The following CEP112 variants were observed in gnomAD, a reference collection of about 807,000 sequenced individuals.
The protein encoded by CEP112 is centrosomal protein 112.
Under a neutral mutation model 153.0 loss-of-function variants are expected in CEP112, and 127 were observed. The ratio of observed to expected loss-of-function variants is 0.83; its 90% confidence interval spans 0.72 to 0.96. The LOEUF is 0.96. Ranked by LOEUF, CEP112 falls within the 40% of genes least tolerant of loss-of-function variation. CEP112 has a pLI of 0.00. For missense variants in CEP112, 1,089 were observed against 1,101.2 expected, an observed-to-expected ratio of 0.99 and a Z score of 0.16; for synonymous variants, 358 against 374.4, an observed-to-expected ratio of 0.96 and a Z score of 0.51.
chr17:65,975,403 T>C (rs1182282540), intron 17 of CEP112, among the ~76,000 whole-genome samples: 1 of 152,208 alleles, frequency 6.6e-6, no homozygotes, highest in African/African-American at 2.4e-5. Flanking sequence ...GTATGGGATA[T>C]GTGTATGATA....
chr17:65,853,322 T>C (rs777259537), intron 20 of CEP112, among the ~76,000 whole-genome samples: 7 of 152,076 alleles, frequency 4.6e-5, no homozygotes, highest in Non-Finnish European at 1.0e-4. Context: ...GGATTTGTTC[T>C]CTCTGGGTGT....
chr17:65,910,132 T>G (rs1044239066), intron 19 of CEP112, among the ~76,000 whole-genome samples: 5 of 152,144 alleles, frequency 3.3e-5, no homozygotes, highest in Non-Finnish European at 7.4e-5. Context: ...ATTAATAAAT[T>G]GTTAAAAGAC....
At chr17:65,989,133 G>C (rs2063502455) in intron 17 of CEP112, among the ~76,000 whole-genome samples, 1 of 151,412 alleles carries the variant, frequency 6.6e-6, no homozygotes, top group Admixed American at 6.6e-5. Context: ...TACTTGGGAG[G>C]CTGAGGCAGA....
At chr17:65,869,169 G>A (rs1447021212) in intron 20 of CEP112, among the ~76,000 whole-genome samples, 2 of 152,204 alleles carry the variant, frequency 1.3e-5, no homozygotes, top group Non-Finnish European at 2.9e-5. Context: ...GCTTTATCAA[G>A]TGGAAAATAT....
chr17:65,877,232 G>A (rs1177707635), intron 20 of CEP112, among the ~76,000 whole-genome samples: 1 of 152,236 alleles, frequency 6.6e-6, no homozygotes, highest in Non-Finnish European at 1.5e-5. Context: ...CCAAGTGCAG[G>A]TGTGACCAGG....
At chr17:65,680,445 G>C (rs1006636368) in intron 24 of CEP112, among the ~76,000 whole-genome samples, 1 of 152,096 alleles carries the variant, frequency 6.6e-6, no homozygotes, top group Non-Finnish European at 1.5e-5. Flanking sequence ...CTGTGATGCT[G>C]CTAATTCTTC....
chr17:66,114,893 GCTTT>G (rs1211025844), intron 6 of CEP112, among the ~76,000 whole-genome samples: 1 of 151,708 alleles, frequency 6.6e-6, no homozygotes, highest in Non-Finnish European at 1.5e-5. Context: ...CTCAAGAATG[GCTTT>G]TTTTAATTAA....
At chr17:65,804,066 A>G (rs1470341635) in intron 21 of CEP112, among the ~76,000 whole-genome samples, 1 of 152,192 alleles carries the variant, frequency 6.6e-6, no homozygotes, top group Non-Finnish European at 1.5e-5. Flanking sequence ...AAACAACATT[A>G]AATGAAACCT....
chr17:65,795,976 TAG>T, intron 21 of CEP112, among the ~76,000 whole-genome samples: 1 of 152,286 alleles, frequency 6.6e-6, no homozygotes, highest in East Asian at 1.9e-4. Context: ...CCATTTCAGG[TAG>T]AGTTTGCCCT....
intron 24 of CEP112, among the ~76,000 whole-genome samples, chr17:65,662,928 C>A (rs1299692099): frequency 1.3e-5 from 2 of 152,168 alleles, no homozygotes; most frequent in Non-Finnish European, 2.9e-5. Flanking sequence ...AGGCTCCTAT[C>A]TGAAGGATCT....
chr17:65,786,633 C>T (rs1230738728), intron 21 of CEP112, among the ~76,000 whole-genome samples: 1 of 141,028 alleles, frequency 7.1e-6, no homozygotes, highest in African/African-American at 2.7e-5. Flanking sequence ...GTCACCTGGG[C>T]TGGAATGCTG....
chr17:65,965,841 T>G (rs1278200897), intron 17 of CEP112, among the ~76,000 whole-genome samples: 2 of 152,184 alleles, frequency 1.3e-5, no homozygotes, highest in Non-Finnish European at 2.9e-5. Context: ...ATAAATTAAA[T>G]CTGTCAATTC....
intron 24 of CEP112, 44 bp downstream of exon 24, chr17:65,689,085 T>G (rs766896217): frequency 2.6e-5 from 36 of 1,403,548 alleles, no homozygotes; most frequent in Non-Finnish European, 3.0e-5. Flanking sequence ...CTTCTTGACC[T>G]AGAGAAAGTA....
intron 17 of CEP112, among the ~76,000 whole-genome samples, chr17:66,002,653 CTGAT>C (rs2064110245): frequency 6.6e-6 from 1 of 152,100 alleles, no homozygotes; most frequent in African/African-American, 2.4e-5. Flanking sequence ...GTCCATCTTA[CTGAT>C]TATTACCTTA....
At chr17:65,793,901 G>C (rs562412461) in intron 21 of CEP112, among the ~76,000 whole-genome samples, 2 of 152,232 alleles carry the variant, frequency 1.3e-5, no homozygotes, top group African/African-American at 4.8e-5. Context: ...TTATTTCTCT[G>C]TGAGTGCCCC....
chr17:66,154,263 A>C (rs9906746), intron 4 of CEP112, among the ~76,000 whole-genome samples: 102,046 of 151,952 alleles, frequency 0.67, 35,964 homozygotes, highest in Non-Finnish European at 0.78. Flanking sequence ...GTCTTTAATC[A>C]CAGCACTTTG....
At chr17:65,809,301 A>T (rs2145892823) in intron 21 of CEP112, among the ~76,000 whole-genome samples, 1 of 152,320 alleles carries the variant, frequency 6.6e-6, no homozygotes, top group African/African-American at 2.4e-5. Flanking sequence ...CAGGGGCCAG[A>T]TTTCCATTTT....
chr17:65,994,889 T>C (rs983936705), intron 17 of CEP112, among the ~76,000 whole-genome samples: 5 of 152,154 alleles, frequency 3.3e-5, no homozygotes, highest in Admixed American at 2.6e-4. Context: ...TTTCTCTCTC[T>C]GGTGCCATTG....
At chr17:65,936,892 T>G (rs1162316842) in intron 18 of CEP112, among the ~76,000 whole-genome samples, 1 of 148,586 alleles carries the variant, frequency 6.7e-6, no homozygotes, top group African/African-American at 2.5e-5. Flanking sequence ...ACTGCCACCG[T>G]CTCGGCTCAC....
Sources: gnomAD v4.1 joint callset for allele counts (sites outside exome capture counted in the v4.1 genomes callset) on GRCh38, gnomAD v4.1.1 for gene constraint, MANE v1.5 for transcripts, NCBI Gene and HGNC (gene_info 2026-07-23, HGNC 2026-07-21) for gene names.